Variants in TAF1B observed in about 807,000 individuals in gnomAD.
The protein encoded by TAF1B is TATA-box binding protein associated factor, RNA polymerase I subunit B, also known as TATA box-binding protein-associated factor RNA polymerase I subunit B.
A neutral mutation model predicts 83.9 loss-of-function variants in TAF1B; 61 were observed. That is an observed-to-expected ratio of 0.73 (90% CI 0.59 to 0.90). The LOEUF (loss-of-function observed/expected upper bound fraction) is 0.90, where lower values mean the gene tolerates loss of function less well. Ranked by LOEUF, TAF1B falls within the 40% of genes least tolerant of loss-of-function variation. The probability of loss-of-function intolerance (pLI) is 0.00; values close to 1 mark genes in which losing one functional copy is unlikely to be tolerated. For synonymous variants in TAF1B, 221 were observed against 224.6 expected (o/e 0.98, Z 0.14); for missense variants, 625 against 677.0 (o/e 0.92, Z 0.85).
chr2:9,900,205 T>C (rs984154709), intron 8 of TAF1B, among the ~76,000 whole-genome samples: 3 of 152,344 alleles, frequency 2.0e-5, no homozygotes, highest in Non-Finnish European at 2.9e-5. Context: ...AGAGGGATTT[T>C]AGTAGGGGAA....
At chr2:9,929,480 AT>A (rs1666147087) in intron 14 of TAF1B, among the ~76,000 whole-genome samples, 1 of 151,996 alleles carries the variant, frequency 6.6e-6, no homozygotes, top group Admixed American at 6.6e-5. Flanking sequence ...TATGTGATGG[AT>A]TATGTTATTG....
At chr2:9,890,420 T>A (rs1373519965) in intron 8 of TAF1B, among the ~76,000 whole-genome samples, 3 of 152,188 alleles carry the variant, frequency 2.0e-5, no homozygotes, top group African/African-American at 4.8e-5. Flanking sequence ...TTTTTAGGTA[T>A]TACCTGAACA....
intron 6 of TAF1B, among the ~76,000 whole-genome samples, chr2:9,869,513 G>A (rs1352914895): frequency 1.3e-5 from 2 of 151,494 alleles, no homozygotes; most frequent in East Asian, 2.0e-4. Context: ...GTGAACCACC[G>A]TGCCCGGCCT....
intron 2 of TAF1B, 41 bp downstream of exon 2, chr2:9,845,359 A>G: frequency 6.4e-7 from 1 of 1,570,266 alleles, no homozygotes; most frequent in Non-Finnish European, 8.8e-7. Flanking sequence ...TTATGTTTTA[A>G]AAATTGCCAT....
At position 9,910,774 on chromosome 2, in the gene TAF1B, A is replaced by G. The variant is rs1665505290; in HGVS notation, c.994A>G (p.Thr332Ala). 1 of 1,612,480 alleles carries G rather than the reference A, an allele frequency of 6.2e-7. No homozygotes were observed. Among genetic ancestry groups the G allele is most frequent in the African/African-American group, 1.3e-5 (1 of 74,912 alleles). Residue 332 changes from threonine to alanine, a missense_variant, in exon 10 of 15, where the codon ACT becomes GCT. Physicochemically the swap from Thr to Ala is moderately conservative, Grantham distance 58. Coordinates refer to ENST00000263663, the MANE Select transcript of TAF1B (RefSeq NM_005680.3). ...HSLTCHVVKMTGMGEVDFLTF... is the reference protein window; with the variant it reads ...HSLTCHVVKMAGMGEVDFLTF... The stretch of plus-strand genomic sequence containing the variant: ...CTTAACTTGCCACGTGGTAAAAATG[A>G]CTGGAATGGGAGAAGTGGATTTTCT...
chr2:9,894,432 T>C (rs1008957475), intron 8 of TAF1B, among the ~76,000 whole-genome samples: 1 of 152,172 alleles, frequency 6.6e-6, no homozygotes, highest in Non-Finnish European at 1.5e-5. Context: ...ATAAAGGATA[T>C]AACTTCTGCT....
At chr2:9,850,027 ATGTGTG>A (rs3032347) in intron 3 of TAF1B, among the ~76,000 whole-genome samples, 13,026 of 123,480 alleles carry the variant, frequency 0.11, 630 homozygotes, top group East Asian at 0.2. Context: ...ATATATATAT[ATGTGTG>A]TGTGTGTGTG....
At chr2:9,909,758 G>T (rs1290053772) in intron 9 of TAF1B, among the ~76,000 whole-genome samples, 3 of 152,186 alleles carry the variant, frequency 2.0e-5, no homozygotes, top group South Asian at 2.1e-4. Flanking sequence ...TATGAAGCAG[G>T]TACTATTCTT....
At chr2:9,853,688 G>A (rs960388631) in intron 4 of TAF1B, among the ~76,000 whole-genome samples, 3 of 152,042 alleles carry the variant, frequency 2.0e-5, no homozygotes, top group Admixed American at 6.6e-5. Context: ...GGCTGGTTTC[G>A]AACTCCTGGG....
chr2:9,868,103 ACTGCTGG>A (rs947731501), intron 5 of TAF1B, among the ~76,000 whole-genome samples, 166 bp from the exon 6 acceptor site: 1 of 152,182 alleles, frequency 6.6e-6, no homozygotes, highest in African/African-American at 2.4e-5. Flanking sequence ...TCCAAGAAGC[ACTGCTGG>A]GAGCTGTCAG....
intron 7 of TAF1B, among the ~76,000 whole-genome samples, chr2:9,880,558 G>C (rs1185345123): frequency 6.8e-6 from 1 of 147,790 alleles, no homozygotes. Flanking sequence ...GGACATTTCT[G>C]CTTCCCCTAG....
At chr2:9,858,659 C>A (rs975679338) in intron 5 of TAF1B, among the ~76,000 whole-genome samples, 1 of 152,224 alleles carries the variant, frequency 6.6e-6, no homozygotes, top group African/African-American at 2.4e-5. Context: ...CAGAGGTTCC[C>A]AAACCTCAGC....
chr2:9,853,929 TTCTC>T (rs774268643), intron 4 of TAF1B, among the ~76,000 whole-genome samples: 3 of 152,236 alleles, frequency 2.0e-5, no homozygotes, highest in Non-Finnish European at 2.9e-5. Flanking sequence ...TTTAATGTCT[TTCTC>T]TATCTAAAAT....
intron 14 of TAF1B, among the ~76,000 whole-genome samples, chr2:9,926,287 A>G (rs1195836011): frequency 6.6e-6 from 1 of 152,234 alleles, no homozygotes; most frequent in African/African-American, 2.4e-5. Flanking sequence ...AATTTTTTAA[A>G]TGAGTTTAAC....
chr2:9,883,187 G>A (rs866223419), intron 8 of TAF1B, among the ~76,000 whole-genome samples: 3 of 152,128 alleles, frequency 2.0e-5, no homozygotes, highest in African/African-American at 7.2e-5. Context: ...AGTTATTACC[G>A]TGTTTCTAAA....
intron 12 of TAF1B, among the ~76,000 whole-genome samples, chr2:9,916,561 A>G (rs541539647): frequency 6.6e-6 from 1 of 152,348 alleles, no homozygotes; most frequent in East Asian, 1.9e-4. Context: ...GGAATGTTTA[A>G]CAGTGAGTGT....
At chr2:9,845,432 C>T (rs1163372499) in intron 2 of TAF1B, 114 bp downstream of exon 2, 2 of 739,610 alleles carry the variant, frequency 2.7e-6, no homozygotes, top group Non-Finnish European at 4.6e-6. Context: ...TCATGCAATG[C>T]CAACATTCCA....
At chr2:9,890,928 T>G (rs4669483) in intron 8 of TAF1B, among the ~76,000 whole-genome samples, 142,617 of 151,840 alleles carry the variant, frequency 0.94, 67,611 homozygotes, top group East Asian at 1. Flanking sequence ...GCGCCACCAA[T>G]CCTGGCTACT....
rs750495338 is a variant in TAF1B at position 9,919,591 on chromosome 2, G to C, written c.1343-7G>C. On this transcript the variant is annotated splice_region_variant and splice_polypyrimidine_tract_variant and intron_variant, in intron 13 of 14. Coordinates refer to ENST00000263663, the MANE Select transcript of TAF1B (RefSeq NM_005680.3). The stretch of plus-strand genomic sequence containing the variant: ...TTATTTTGTTTCCTTTTTTTCTCCG[G>C]TTCCAGAAATGGTGGTGAATCTACA... 3.1e-6 allele frequency: 5 copies of C among 1,606,500 alleles called. No homozygotes were observed. Among genetic ancestry groups the C allele is most frequent in the Non-Finnish European group, 4.3e-6 (5 of 1,176,066 alleles).
Sources: allele counts gnomAD v4.1 joint callset (sites outside exome capture counted in the v4.1 genomes callset), GRCh38; gene constraint gnomAD v4.1.1; transcripts MANE v1.5; gene names NCBI Gene and HGNC (gene_info 2026-07-23, HGNC 2026-07-21).